ASTN2: variants seen among roughly 807,000 people sequenced by gnomAD.
The protein encoded by ASTN2 is astrotactin 2.
In ASTN2, 54 loss-of-function variants were observed where a neutral mutation model predicts 139.8. The ratio of observed to expected loss-of-function variants is 0.39; its 90% CI spans 0.31 to 0.48. ASTN2 has a LOEUF of 0.48. ASTN2 is among the 20% of genes least tolerant of loss of function. ASTN2 has a pLI of 0.95. For missense variants in ASTN2, 1,565 were observed against 1,725.1 expected (o/e 0.91, Z 1.64); for synonymous variants, 756 against 719.5 (o/e 1.05, Z -0.81).
intron 16 of ASTN2, among the ~76,000 whole-genome samples, chr9:116,691,818 G>C (rs1860582160): frequency 6.6e-6 from 1 of 152,156 alleles, no homozygotes; most frequent in Non-Finnish European, 1.5e-5. Flanking sequence ...TTTTGCACTT[G>C]ATTAGCATTC....
intron 13 of ASTN2, among the ~76,000 whole-genome samples, chr9:116,766,606 C>A (rs1342621600): frequency 6.6e-6 from 1 of 152,008 alleles, no homozygotes; most frequent in Non-Finnish European, 1.5e-5. Flanking sequence ...ACATCACACA[C>A]AAGCATACAT....
intron 11 of ASTN2, among the ~76,000 whole-genome samples, chr9:116,848,116 T>TG (rs1832494236): frequency 6.6e-6 from 1 of 152,160 alleles, no homozygotes; most frequent in African/African-American, 2.4e-5. Context: ...CCAGACACAC[T>TG]GCTAGGCTAT....
intron 17 of ASTN2, among the ~76,000 whole-genome samples, chr9:116,639,340 C>T (rs575486569): frequency 2.0e-5 from 3 of 152,220 alleles, no homozygotes; most frequent in African/African-American, 7.2e-5. Context: ...ACTCTGTCAC[C>T]TAGAGAAGGC....
intron 11 of ASTN2, among the ~76,000 whole-genome samples, chr9:116,862,627 T>C (rs1054785627): frequency 5.9e-5 from 9 of 152,132 alleles, no homozygotes; most frequent in Admixed American, 1.3e-4. Flanking sequence ...GGCAAGTTCA[T>C]AGAACTCCAT....
chr9:117,122,628 G>A (rs1344426783), intron 4 of ASTN2, among the ~76,000 whole-genome samples: 4 of 152,116 alleles, frequency 2.6e-5, no homozygotes, highest in Non-Finnish European at 2.9e-5. Context: ...TGCATGATTC[G>A]ATTTACTGGC....
At chr9:116,857,632 T>A (rs1832774432) in intron 11 of ASTN2, among the ~76,000 whole-genome samples, 2 of 152,180 alleles carry the variant, frequency 1.3e-5, no homozygotes. Context: ...TATTACTACC[T>A]CCCTACATGA....
At chr9:116,607,292 C>T (rs2131781890) in intron 19 of ASTN2, among the ~76,000 whole-genome samples, 1 of 152,244 alleles carries the variant, frequency 6.6e-6, no homozygotes, top group Middle Eastern at 3.4e-3. Context: ...GAAACCCCAA[C>T]ATATAAGGAT....
Position 116,495,551 on chromosome 9 carries a change from T to G in ASTN2, c.3356-8051A>C, listed in dbSNP as rs72757902. On this transcript the variant is annotated intron_variant, in intron 19 of 22. Transcript: ENST00000313400. The stretch of plus-strand genomic sequence containing the variant: ...TCTACCCTTGGGTATTTCAGATACA[T>G]GAGTTAGTATTTTTGCATTTTTGCA... 9.9e-3 allele frequency among the ~76,000 whole-genome samples: 1,514 copies of G among 152,350 alleles called. 12 individuals are homozygous for G. Among genetic ancestry groups the G allele is most frequent in the Non-Finnish European group, 0.015 (1,032 of 68,032 alleles).
intron 19 of ASTN2, among the ~76,000 whole-genome samples, chr9:116,511,694 C>G (rs1587912031): frequency 6.6e-6 from 1 of 152,226 alleles, no homozygotes; most frequent in East Asian, 1.9e-4. Flanking sequence ...TGTGATTGGT[C>G]TATTCAGAGA....
intron 6 of ASTN2, among the ~76,000 whole-genome samples, chr9:117,013,486 ATTTT>A (rs58077485): frequency 0.15 from 17,705 of 115,538 alleles, 1,325 homozygotes; most frequent in African/African-American, 0.22. Flanking sequence ...ATATATATAT[ATTTT>A]TTTTTTTCTC....
At chr9:116,597,175 A>T (rs1159059562) in intron 19 of ASTN2, among the ~76,000 whole-genome samples, 3 of 152,114 alleles carry the variant, frequency 2.0e-5, no homozygotes, top group African/African-American at 7.2e-5. Context: ...TTCCAGAGGT[A>T]ATTCTCCCCA....
intron 16 of ASTN2, among the ~76,000 whole-genome samples, chr9:116,674,162 C>G (rs1400557626): frequency 6.6e-6 from 1 of 152,178 alleles, no homozygotes; most frequent in Non-Finnish European, 1.5e-5. Flanking sequence ...TGCTGACCCT[C>G]CCTAAACTGC....
In ASTN2 at chr9:116,489,412, T is replaced by C. The variant is rs570268707; in HGVS notation, c.3356-1912A>G. ...AGTGCAGTGGTGCAACCTCAGCTCA[T>C]TGAAGCCTCTGCCCCGCAGGCTCAA... is the stretch of plus-strand genomic sequence containing the variant. On this transcript the variant is annotated intron_variant, in intron 19 of 22. Transcript: ENST00000313400. Among the ~76,000 whole-genome samples the C allele has an allele frequency of 1.3e-3, 204 of 152,230 alleles. 1 individual carries two copies. In the Middle Eastern group the frequency reaches 0.017, roughly 13 times the overall value.
rs1406697658 is a variant in ASTN2 at position 116,667,559 on chromosome 9, T to G, written c.2807-15766A>C. Among the ~76,000 whole-genome samples the G allele has an allele frequency of 2.0e-5, 3 of 152,168 alleles. No homozygotes were observed. In the East Asian group the frequency reaches 5.8e-4, roughly 29 times the overall value. On this transcript the variant is annotated intron_variant, in intron 16 of 22. Coordinates refer to ENST00000313400, the MANE Select transcript of ASTN2 (RefSeq NM_001365068.1). ...CATAGAGATTTATTATACCATTTTC[T>G]CTCCTTGTGTGTACTTAAAATCTTC...
chr9:117,188,868 T>A (rs1031401347), intron 3 of ASTN2, among the ~76,000 whole-genome samples: 8 of 152,172 alleles, frequency 5.3e-5, no homozygotes, highest in Non-Finnish European at 7.3e-5. Flanking sequence ...GGGAATTATC[T>A]ATTTGCAGGC....
intron 19 of ASTN2, 66 bp from the exon 20 acceptor site, chr9:116,487,566 C>A: frequency 6.8e-7 from 1 of 1,470,640 alleles, no homozygotes; most frequent in South Asian, 1.3e-5. Context: ...TTTTTGCTGT[C>A]ATCCAAACCT....
intron 13 of ASTN2, among the ~76,000 whole-genome samples, chr9:116,740,483 A>G (rs1829069504): frequency 6.6e-6 from 1 of 152,114 alleles, no homozygotes; most frequent in Non-Finnish European, 1.5e-5. Context: ...CAATGCGTGA[A>G]GAGGAGGATT....
At chr9:117,344,531 T>A (rs1829156980) in intron 1 of ASTN2, among the ~76,000 whole-genome samples, 1 of 152,184 alleles carries the variant, frequency 6.6e-6, no homozygotes, top group African/African-American at 2.4e-5. Context: ...TGCCCAGGGT[T>A]GCCTGTGTTT....
chr9:117,066,841 T>G lies in ASTN2; in HGVS notation c.1277-26876A>C, dbSNP rs1354520523. 9.0e-5 allele frequency among the ~76,000 whole-genome samples: 13 copies of G among 143,802 alleles called. No homozygotes were observed. The East Asian group carries it at 2.1e-3, about 23-fold the overall frequency. The allele number at this position is 143,802 out of a possible 152,430, so 94.3% of individuals were successfully genotyped here. On this transcript the variant is annotated intron_variant, in intron 5 of 22. Transcript: ENST00000313400. ...GTCTGTTCATGTCCTTCGCCCACTT[T>G]TTGATGGGGTTGTTTGTTTTTTTCT...
Sources: allele counts gnomAD v4.1 joint callset (sites outside exome capture counted in the v4.1 genomes callset), GRCh38; gene constraint gnomAD v4.1.1; transcripts MANE v1.5; gene names NCBI Gene and HGNC (gene_info 2026-07-23, HGNC 2026-07-21).